Variants in ABCB11 observed in about 807,000 individuals in gnomAD.
ABCB11 encodes ATP binding cassette subfamily B member 11.
In ABCB11, 95 loss-of-function variants were observed where a neutral mutation model predicts 148.0. The observed-to-expected ratio is 0.64, with a 90% CI of 0.54 to 0.76. ABCB11 has a LOEUF of 0.76. Among genes scored for constraint, ABCB11 ranks in the 30% least tolerant of loss-of-function variants. The pLI is 0.00. For synonymous variants in ABCB11, 591 were observed against 555.4 expected (o/e 1.06, Z -0.90); for missense variants, 1,523 against 1,617.8 (o/e 0.94, Z 1.01).
intron 8 of ABCB11, among the ~76,000 whole-genome samples, chr2:168,993,009 T>A (rs1573952107): frequency 6.6e-6 from 1 of 151,798 alleles, no homozygotes; most frequent in African/African-American, 2.4e-5. Context: ...TCCTTGGGAG[T>A]GTTTTTAGCT....
chr2:168,984,890 A>G (rs1403101171), intron 10 of ABCB11, among the ~76,000 whole-genome samples: 2 of 152,178 alleles, frequency 1.3e-5, no homozygotes, highest in African/African-American at 4.8e-5. Context: ...TTCATGACCA[A>G]GAACCCAAAA....
chr2:168,981,599 T>C (rs1694139251), intron 10 of ABCB11, among the ~76,000 whole-genome samples: 1 of 152,116 alleles, frequency 6.6e-6, no homozygotes, highest in Non-Finnish European at 1.5e-5. Flanking sequence ...GTCCCACACT[T>C]AGGAGGCGGT....
chr2:168,972,595 TA>T (rs1693632309), intron 13 of ABCB11, among the ~76,000 whole-genome samples: 3 of 152,056 alleles, frequency 2.0e-5, no homozygotes, highest in African/African-American at 7.2e-5. Context: ...GATTTCTATA[TA>T]TTCAGAGTGC....
chr2:168,933,734 T>A (rs1216749536), intron 23 of ABCB11, among the ~76,000 whole-genome samples: 1 of 132,002 alleles, frequency 7.6e-6, no homozygotes, highest in Non-Finnish European at 1.6e-5. Flanking sequence ...ATTGGAAGTT[T>A]TCTGTAGTTC....
chr2:168,993,138 T>A (rs1694595336), intron 8 of ABCB11, among the ~76,000 whole-genome samples: 1 of 152,066 alleles, frequency 6.6e-6, no homozygotes, highest in East Asian at 1.9e-4. Context: ...AAAGAGGTTA[T>A]CTGAAAGATA....
At chr2:168,947,716 G>A (rs73018709) in intron 19 of ABCB11, among the ~76,000 whole-genome samples, 1,697 of 151,830 alleles carry the variant, frequency 0.011, 41 homozygotes, top group African/African-American at 0.038. Flanking sequence ...AAAAATAGTG[G>A]TTTGTTCGGC....
intron 21 of ABCB11, among the ~76,000 whole-genome samples, chr2:168,942,762 T>TA (rs764604554): frequency 1.8e-4 from 27 of 151,454 alleles, no homozygotes; most frequent in African/African-American, 6.5e-4. Context: ...CTACAAAAAT[T>TA]AAAAAAAATT....
chr2:168,958,046 T>C lies in ABCB11; in HGVS notation c.2261A>G (p.Tyr754Cys). The C allele has an allele frequency of 6.2e-7, 1 of 1,611,450 alleles. No homozygotes were observed. Among genetic ancestry groups the C allele is most frequent in the Non-Finnish European group, 8.5e-7 (1 of 1,178,358 alleles). Residue 754 changes from tyrosine (Y) to cysteine (C), a missense_variant, in exon 19 of 28, where the codon TAC (tyrosine) becomes TGC (cysteine). By Grantham distance (194) the Tyr-to-Cys change is radical. Coordinates refer to ENST00000650372, the MANE Select transcript of ABCB11 (RefSeq NM_003742.4). Reference protein sequence around the residue: ...ILKFSAPEWPYMLVGSVGAAV... With the variant: ...ILKFSAPEWPCMLVGSVGAAV... ...TGCACCCACAGACCCTACCAGCATGTAGGGCCATTCTGGAGCACTGAATTT... is the reference window on the plus strand; with the variant it reads ...TGCACCCACAGACCCTACCAGCATGCAGGGCCATTCTGGAGCACTGAATTT...
At chr2:168,973,041 T>C (rs758740080) in intron 13 of ABCB11, among the ~76,000 whole-genome samples, 50 of 152,044 alleles carry the variant, frequency 3.3e-4, no homozygotes, top group Non-Finnish European at 2.2e-4. Context: ...TTTTTCTTAG[T>C]TTCTTAGGAC....
chr2:169,001,021 A>G (rs1368490374), intron 5 of ABCB11, among the ~76,000 whole-genome samples: 3 of 152,166 alleles, frequency 2.0e-5, no homozygotes, highest in Non-Finnish European at 2.9e-5. Context: ...TAGGAAATAC[A>G]TTATAGATAC....
intron 19 of ABCB11, among the ~76,000 whole-genome samples, chr2:168,946,249 G>A (rs868104548): frequency 6.6e-6 from 1 of 151,796 alleles, no homozygotes; most frequent in Non-Finnish European, 1.5e-5. Flanking sequence ...TTAAAACAGT[G>A]TCAACAAATA....
chr2:168,987,197 C>A (rs1271265071), intron 9 of ABCB11, among the ~76,000 whole-genome samples: 1 of 152,036 alleles, frequency 6.6e-6, no homozygotes, highest in Non-Finnish European at 1.5e-5. Context: ...GATTTGGTAG[C>A]AACTGAGAAT....
rs182120699 is a variant in ABCB11 at position 169,005,989 on chromosome 2, A to G, written c.389+7283T>C. On this transcript the variant is annotated intron_variant, in intron 5 of 27. Coordinates refer to ENST00000650372, the MANE Select transcript of ABCB11 (RefSeq NM_003742.4). The stretch of plus-strand genomic sequence containing the variant: ...TCTACAAAGCATTTAAAGAACTAAT[A>G]CCAATTCTTCACAAACTCTTCAAAA... Among the ~76,000 whole-genome samples, 369 of 152,330 alleles carry G rather than the reference A, an allele frequency of 2.4e-3. 4 individuals carry two copies. Among genetic ancestry groups the G allele is most frequent in the African/African-American group, 8.6e-3 (358 of 41,574 alleles).
intron 5 of ABCB11, among the ~76,000 whole-genome samples, chr2:169,001,905 A>C (rs905020789): frequency 6.6e-6 from 1 of 152,016 alleles, no homozygotes; most frequent in Non-Finnish European, 1.5e-5. Context: ...TTTTCCCCCC[A>C]CTTTTCAGGA....
intron 19 of ABCB11, among the ~76,000 whole-genome samples, chr2:168,948,500 G>GTTT (rs3084035): frequency 8.5e-4 from 128 of 150,102 alleles, no homozygotes; most frequent in East Asian, 6.5e-3. Context: ...TGATGAGTGG[G>GTTT]TTTTTTTTTG....
chr2:169,025,721 A>G (rs1213768851), intron 1 of ABCB11, among the ~76,000 whole-genome samples: 2 of 152,206 alleles, frequency 1.3e-5, no homozygotes, highest in Non-Finnish European at 2.9e-5. Flanking sequence ...GTTACATTCT[A>G]AAAGGCAAAA....
intron 1 of ABCB11, among the ~76,000 whole-genome samples, chr2:169,030,941 C>T (rs796200281): frequency 9.9e-5 from 15 of 152,200 alleles, no homozygotes; most frequent in African/African-American, 3.1e-4. Flanking sequence ...TCAATCTATT[C>T]GGCCATTTGT....
chr2:168,958,815 G>A (rs114248392), intron 18 of ABCB11, among the ~76,000 whole-genome samples: 2,077 of 151,652 alleles, frequency 0.014, 41 homozygotes, highest in African/African-American at 0.047. Context: ...ATGGACCTCC[G>A]TTGTCTTTTT....
chr2:169,004,211 A>C (rs2106029870), intron 5 of ABCB11, among the ~76,000 whole-genome samples: 1 of 152,282 alleles, frequency 6.6e-6, no homozygotes, highest in East Asian at 1.9e-4. Context: ...TAGACAAAAG[A>C]TCTTCCTTCA....
Sources: allele counts gnomAD v4.1 joint callset (sites outside exome capture counted in the v4.1 genomes callset), GRCh38; gene constraint gnomAD v4.1.1; transcripts MANE v1.5; gene names NCBI Gene and HGNC (gene_info 2026-07-23, HGNC 2026-07-21).